The following ZNF487 variants were observed in gnomAD, a reference collection of about 807,000 sequenced individuals.
The protein encoded by ZNF487 is zinc finger protein 487.
Under a neutral mutation model 3.0 loss-of-function variants are expected in ZNF487, and 4 were observed. The ratio of observed to expected loss-of-function variants is 1.35; its 90% CI spans 0.66 to 3.08. The LOEUF is 3.08. ZNF487 is among the 30% of genes most tolerant of loss of function. ZNF487 has a pLI of 0.01. For synonymous variants in ZNF487, 55 were observed against 34.6 expected (o/e 1.59, Z -2.06); for missense variants, 146 against 98.7 (o/e 1.48, Z -2.03).
intron 1 of ZNF487, among the ~76,000 whole-genome samples, chr10:43,462,773 T>C (rs1252882942): frequency 6.6e-6 from 1 of 151,160 alleles, no homozygotes; most frequent in Admixed American, 6.6e-5. Flanking sequence ...TCTTTCTTTT[T>C]TTTTTTATAA....
the ZNF487 span, among the ~76,000 whole-genome samples, chr10:43,515,324 T>G: frequency 7.2e-5 from 11 of 152,024 alleles, no homozygotes. Flanking sequence ...CTGAGGAAAA[T>G]CAACATTATC....
Position 43,447,073 on chromosome 10 carries a change from C to G in ZNF487, c.-94+9811C>G, listed in dbSNP as rs532732425. Reference sequence around the variant, plus strand: ...GCGTGGCAGCGTGCCCCTACAATCCCAGGCACTCGGCAGGCTGAGGCAGGA... The same window carrying G: ...GCGTGGCAGCGTGCCCCTACAATCCGAGGCACTCGGCAGGCTGAGGCAGGA... On this transcript the variant is annotated intron_variant, in intron 1 of 3. Coordinates refer to ENST00000437590, the MANE Select transcript of ZNF487 (RefSeq NM_001355444.3). Among the ~76,000 whole-genome samples the G allele has an allele frequency of 3.3e-5, 5 of 152,008 alleles. No individual in the cohort carries two copies. In the East Asian group the frequency reaches 7.7e-4, roughly 24 times the overall value.
chr10:43,492,598 C>A, the ZNF487 span, among the ~76,000 whole-genome samples: 1 of 152,104 alleles, frequency 6.6e-6, no homozygotes, highest in South Asian at 2.1e-4. Flanking sequence ...ACTACAAGCG[C>A]CCGCCACCAC....
chr10:43,445,928 T>C (rs1328599496), intron 1 of ZNF487, among the ~76,000 whole-genome samples: 1 of 152,194 alleles, frequency 6.6e-6, no homozygotes, highest in Non-Finnish European at 1.5e-5. Flanking sequence ...AAGCACATCT[T>C]GCACCGCCCT....
chr10:43,450,958 ATTT>A (rs1353497838), intron 1 of ZNF487, among the ~76,000 whole-genome samples: 1 of 151,614 alleles, frequency 6.6e-6, no homozygotes, highest in Admixed American at 6.6e-5. Flanking sequence ...TATTATTATT[ATTT>A]TTTGAGATGG....
At chr10:43,468,089 CTAGAAT>C (rs1840771129) in intron 1 of ZNF487, among the ~76,000 whole-genome samples, 1 of 152,140 alleles carries the variant, frequency 6.6e-6, no homozygotes, top group African/African-American at 2.4e-5. Flanking sequence ...AATAGCATAA[CTAGAAT>C]TAGAAGTGGA....
intron 3 of ZNF487, among the ~76,000 whole-genome samples, chr10:43,479,984 C>CT (rs1564428763): frequency 0.031 from 1,775 of 57,650 alleles, 91 homozygotes; most frequent in African/African-American, 0.066. Flanking sequence ...TCTTTCTTTC[C>CT]TTCTTTCTTT....
chr10:43,445,291 C>T (rs1289682993), intron 1 of ZNF487, among the ~76,000 whole-genome samples: 1 of 152,070 alleles, frequency 6.6e-6, no homozygotes, highest in African/African-American at 2.4e-5. Flanking sequence ...AACTGGCCCA[C>T]TTTCAGAATT....
the ZNF487 span, among the ~76,000 whole-genome samples, chr10:43,502,720 T>C: frequency 6.6e-6 from 1 of 152,128 alleles, no homozygotes; most frequent in African/African-American, 2.4e-5. Flanking sequence ...TTTCAGAGTG[T>C]ACATCTCCTA....
rs1219835811 is a variant in ZNF487 at position 43,482,286 on chromosome 10, A to G, written c.*364A>G. On this transcript the variant is annotated 3_prime_UTR_variant, in exon 4 of 4. Coordinates refer to ENST00000437590, the MANE Select transcript of ZNF487 (RefSeq NM_001355444.3). ...GCTAGTACATTTTGCTGTAAGCCAA[A>G]GCATTCTGTATATCAGAAAACAGAT... 14 of 392,164 alleles carry G rather than the reference A, an allele frequency of 3.6e-5. 1 individual carries two copies. The Admixed American group carries it at 4.9e-4, about 14-fold the overall frequency. The allele number at this position is 392,164 out of a possible 1,614,324, so 24.3% of individuals were successfully genotyped here. A position where few individuals can be genotyped will look rare whatever the true frequency, so the allele number is the denominator to read the frequency against.
chr10:43,480,084 C>CCTTCTTTCT (rs1554800853), intron 3 of ZNF487, among the ~76,000 whole-genome samples: 4 of 139,720 alleles, frequency 2.9e-5, no homozygotes, highest in Non-Finnish European at 4.6e-5. Flanking sequence ...TTCCTTCCTT[C>CCTTCTTTCT]TTTCTTTTCT....
chr10:43,521,315 G>A, the ZNF487 span, among the ~76,000 whole-genome samples: 1 of 151,956 alleles, frequency 6.6e-6, no homozygotes, highest in South Asian at 2.1e-4. Flanking sequence ...ATGGCCAATG[G>A]CACTACATCT....
At chr10:43,480,044 T>TTTCTTTCTTTCTTTCTTTC (rs201513596) in intron 3 of ZNF487, among the ~76,000 whole-genome samples, 1 of 24,938 alleles carries the variant, frequency 4.0e-5, no homozygotes, top group East Asian at 2.0e-3. Context: ...TCTTTCTTTC[T>TTTCTTTCTTTCTTTCTTTC]TTTTCTTTCT....
At chr10:43,470,160 T>G (rs1440545846) in intron 1 of ZNF487, among the ~76,000 whole-genome samples, 2 of 152,132 alleles carry the variant, frequency 1.3e-5, no homozygotes, top group Non-Finnish European at 2.9e-5. Context: ...CCCTTCTGGT[T>G]GACTTTCTTC....
intron 1 of ZNF487, among the ~76,000 whole-genome samples, chr10:43,444,153 C>T (rs914797352): frequency 6.6e-6 from 1 of 152,060 alleles, no homozygotes; most frequent in Non-Finnish European, 1.5e-5. Context: ...GCGCCCGGCT[C>T]CTAAAAGTTT....
At chr10:43,459,510 G>A (rs1416266729) in intron 1 of ZNF487, among the ~76,000 whole-genome samples, 5 of 152,098 alleles carry the variant, frequency 3.3e-5, no homozygotes, top group South Asian at 2.1e-4. Context: ...GATTACAGGC[G>A]TGAGCCACTG....
chr10:43,446,029 A>G (rs1324581499), intron 1 of ZNF487, among the ~76,000 whole-genome samples: 1 of 152,242 alleles, frequency 6.6e-6, no homozygotes, highest in Non-Finnish European at 1.5e-5. Flanking sequence ...CCCAAGGCAG[A>G]AGAATTTTTC....
At chr10:43,509,167 G>A in the ZNF487 span, among the ~76,000 whole-genome samples, 397 of 149,276 alleles carry the variant, frequency 2.7e-3, 3 homozygotes, top group African/African-American at 9.0e-3. Context: ...GCACTCCAGC[G>A]TGGGTGACAG....
the ZNF487 span, among the ~76,000 whole-genome samples, chr10:43,488,889 A>G: frequency 6.6e-6 from 1 of 151,972 alleles, no homozygotes. Context: ...GGATGAGGTG[A>G]GAGGATCGCT....
Sources: gnomAD v4.1 joint callset for allele counts (sites outside exome capture counted in the v4.1 genomes callset) on GRCh38, gnomAD v4.1.1 for gene constraint, MANE v1.5 for transcripts, NCBI Gene and HGNC (gene_info 2026-07-23, HGNC 2026-07-21) for gene names.